SLC24A2: variants seen among roughly 807,000 people sequenced by gnomAD.
The protein encoded by SLC24A2 is solute carrier family 24 member 2, also known as sodium/potassium/calcium exchanger 2.
In SLC24A2, 36 loss-of-function variants were observed where a neutral mutation model predicts 62.0. That is an observed-to-expected ratio of 0.58 (90% CI 0.44 to 0.77). The LOEUF is 0.77. SLC24A2 is among the 30% of genes least tolerant of loss of function. The pLI is 0.00. For missense variants in SLC24A2, 846 were observed against 817.9 expected, an observed-to-expected ratio of 1.03 and a Z score of -0.42; for synonymous variants, 358 against 294.0, an observed-to-expected ratio of 1.22 and a Z score of -2.23.
the SLC24A2 span, among the ~76,000 whole-genome samples, chr9:19,802,224 G>A: frequency 6.6e-6 from 1 of 152,158 alleles, no homozygotes; most frequent in Admixed American, 6.5e-5. Flanking sequence ...GATACGTTGT[G>A]TATTCTTTAT....
the SLC24A2 span, among the ~76,000 whole-genome samples, chr9:20,037,588 C>T: frequency 5.9e-5 from 9 of 152,204 alleles, no homozygotes; most frequent in Middle Eastern, 3.4e-3. Context: ...TGGTGGGGTC[C>T]TAGGGCAAGG....
intron 8 of SLC24A2, among the ~76,000 whole-genome samples, chr9:19,547,711 T>C (rs1478272374): frequency 2.6e-5 from 4 of 151,482 alleles, no homozygotes; most frequent in Non-Finnish European, 5.9e-5. Flanking sequence ...TCTGCCCCCA[T>C]CTTCTGGGGG....
the SLC24A2 span, among the ~76,000 whole-genome samples, chr9:20,228,958 C>A: frequency 6.6e-6 from 1 of 151,998 alleles, no homozygotes; most frequent in African/African-American, 2.4e-5. Context: ...GGTCAATCAT[C>A]CCTGGCAATA....
chr9:19,729,851 TAGCTAGAAGA>T (rs1821283396), intron 2 of SLC24A2, among the ~76,000 whole-genome samples: 1 of 152,112 alleles, frequency 6.6e-6, no homozygotes, highest in Non-Finnish European at 1.5e-5. Context: ...TAGTTTCAAG[TAGCTAGAAGA>T]AGGATATTAG....
At chr9:19,570,326 A>C (rs1440378617) in intron 7 of SLC24A2, among the ~76,000 whole-genome samples, 2 of 151,988 alleles carry the variant, frequency 1.3e-5, no homozygotes, top group African/African-American at 4.8e-5. Context: ...TTATTTCTTC[A>C]TTCTTTGAGG....
chr9:20,036,619 G>A, the SLC24A2 span, among the ~76,000 whole-genome samples: 2 of 152,016 alleles, frequency 1.3e-5, no homozygotes, highest in Non-Finnish European at 2.9e-5. Flanking sequence ...ATTTCACTTA[G>A]CAAAACATCC....
At chr9:19,601,726 C>A (rs147728952) in intron 4 of SLC24A2, among the ~76,000 whole-genome samples, 1 of 152,030 alleles carries the variant, frequency 6.6e-6, no homozygotes, top group South Asian at 2.1e-4. Context: ...TAGTTTGGAG[C>A]CTTACAGACC....
intron 7 of SLC24A2, among the ~76,000 whole-genome samples, chr9:19,570,450 T>G (rs999345234): frequency 6.6e-6 from 1 of 152,212 alleles, no homozygotes; most frequent in Non-Finnish European, 1.5e-5. Flanking sequence ...CTCAGAGCAC[T>G]TTGTATAGAA....
At chr9:19,979,641 C>T in the SLC24A2 span, among the ~76,000 whole-genome samples, 2 of 152,178 alleles carry the variant, frequency 1.3e-5, no homozygotes, top group Admixed American at 1.3e-4. Context: ...GCCTTGCTCT[C>T]TTACTCTTAG....
chr9:20,130,056 C>T, the SLC24A2 span, among the ~76,000 whole-genome samples: 1 of 151,768 alleles, frequency 6.6e-6, no homozygotes, highest in East Asian at 1.9e-4. Context: ...CCCTTTGAAT[C>T]TAAAACTTAA....
the SLC24A2 span, among the ~76,000 whole-genome samples, chr9:20,025,397 T>C: frequency 1.3e-5 from 2 of 152,144 alleles, no homozygotes; most frequent in African/African-American, 4.8e-5. Flanking sequence ...AACAAGAATA[T>C]TGACTGGCCT....
the SLC24A2 span, among the ~76,000 whole-genome samples, chr9:19,998,777 CT>C: frequency 3.7e-3 from 567 of 152,340 alleles, 3 homozygotes; most frequent in Middle Eastern, 0.031. Flanking sequence ...TCTCCCACCC[CT>C]GGGGGGATTC....
chr9:20,098,543 T>G, the SLC24A2 span, among the ~76,000 whole-genome samples: 1 of 152,190 alleles, frequency 6.6e-6, no homozygotes, highest in Non-Finnish European at 1.5e-5. Flanking sequence ...AAACTGGCCT[T>G]ATGCTCCAAA....
chr9:20,062,220 C>A, the SLC24A2 span, among the ~76,000 whole-genome samples: 9 of 152,134 alleles, frequency 5.9e-5, no homozygotes, highest in Non-Finnish European at 8.8e-5. Context: ...CAGAGAAAGA[C>A]CTTCTCTCGA....
intron 3 of SLC24A2, among the ~76,000 whole-genome samples, chr9:19,620,281 A>G (rs1041785718): frequency 3.3e-5 from 5 of 152,258 alleles, no homozygotes; most frequent in Non-Finnish European, 5.9e-5. Flanking sequence ...CAAGTTAAGA[A>G]GAATAACACA....
chr9:19,841,329 AG>A, the SLC24A2 span, among the ~76,000 whole-genome samples: 9 of 152,142 alleles, frequency 5.9e-5, no homozygotes, highest in African/African-American at 2.2e-4. Context: ...GCCATCACTA[AG>A]GGGATGGCAT....
chr9:19,754,184 TGGCAG>T (rs1399851785), intron 2 of SLC24A2, among the ~76,000 whole-genome samples: 3 of 152,284 alleles, frequency 2.0e-5, no homozygotes, highest in East Asian at 3.9e-4. Context: ...ACATCCTCAG[TGGCAG>T]GGTAGAAGAA....
chr9:19,613,995 C>T (rs1817699065), intron 4 of SLC24A2, among the ~76,000 whole-genome samples: 1 of 152,154 alleles, frequency 6.6e-6, no homozygotes, highest in South Asian at 2.1e-4. Flanking sequence ...CAGCATAGTG[C>T]CTGGCCTACA....
At chr9:19,988,200 A>T in the SLC24A2 span, among the ~76,000 whole-genome samples, 2 of 152,248 alleles carry the variant, frequency 1.3e-5, no homozygotes, top group African/African-American at 4.8e-5. Context: ...CTTCCCAGAC[A>T]AGCTACCTTG....
Sources: allele counts gnomAD v4.1 joint callset (sites outside exome capture counted in the v4.1 genomes callset), GRCh38; gene constraint gnomAD v4.1.1; transcripts MANE v1.5; gene names NCBI Gene and HGNC (gene_info 2026-07-23, HGNC 2026-07-21).